Variants in MAGI2 observed in about 807,000 individuals in gnomAD.
MAGI2 encodes the protein membrane associated guanylate kinase, WW and PDZ domain containing 2.
In MAGI2, 35 loss-of-function variants were observed where a neutral mutation model predicts 133.3. That is an observed-to-expected ratio of 0.26 (90% CI 0.20 to 0.35). MAGI2 has a LOEUF of 0.35. Among genes scored for constraint, MAGI2 ranks in the 10% least tolerant of loss-of-function variants. The pLI, the probability that MAGI2 is intolerant of heterozygous loss-of-function variation, is 1.00. For synonymous variants in MAGI2, 729 were observed against 710.6 expected (o/e 1.03, Z -0.41); for missense variants, 1,636 against 1,863.4 (o/e 0.88, Z 2.25).
At chr7:78,280,494 T>TTATA (rs1188275292) in intron 9 of MAGI2, among the ~76,000 whole-genome samples, 1 of 152,102 alleles carries the variant, frequency 6.6e-6, no homozygotes, top group African/African-American at 2.4e-5. Context: ...ACTGCAGCTG[T>TTATA]TATAATAAGG....
intron 4 of MAGI2, among the ~76,000 whole-genome samples, chr7:78,514,661 T>C (rs1584463572): frequency 6.6e-6 from 1 of 151,970 alleles, no homozygotes; most frequent in Non-Finnish European, 1.5e-5. Flanking sequence ...GGTTTCAGAG[T>C]GGGGCATTAT....
At position 78,900,450 on chromosome 7, in the gene MAGI2, C is replaced by T. The variant is rs559728306; in HGVS notation, c.418+106640G>A. On this transcript the variant is annotated intron_variant, in intron 2 of 21. Transcript: ENST00000354212. ...TCACTCCACTCCAGCTTCTCTGACC[C>T]CTTTGCTATTCCTTGAACACATCAA... Among the ~76,000 whole-genome samples the T allele has an allele frequency of 3.3e-5, 5 of 152,206 alleles. No homozygotes were observed. In the South Asian group the frequency reaches 1.0e-3, roughly 32 times the overall value.
At chr7:79,158,916 G>A (rs1246267506) in intron 1 of MAGI2, among the ~76,000 whole-genome samples, 1 of 151,840 alleles carries the variant, frequency 6.6e-6, no homozygotes, top group African/African-American at 2.4e-5. Context: ...ATTTTTTAAT[G>A]TTCTTATTAA....
At chr7:79,283,290 T>C (rs529379079) in intron 1 of MAGI2, among the ~76,000 whole-genome samples, 16 of 152,248 alleles carry the variant, frequency 1.1e-4, no homozygotes, top group African/African-American at 3.8e-4. Flanking sequence ...ACATTGACAT[T>C]TTTTAAAAAA....
At chr7:78,629,170 G>A (rs1219111848) in intron 2 of MAGI2, among the ~76,000 whole-genome samples, 2 of 151,998 alleles carry the variant, frequency 1.3e-5, no homozygotes, top group African/African-American at 2.4e-5. Flanking sequence ...CAGTACTTTC[G>A]GTTCACTAAG....
chr7:78,934,740 A>T (rs1245419094), intron 2 of MAGI2, among the ~76,000 whole-genome samples: 1 of 152,134 alleles, frequency 6.6e-6, no homozygotes. Context: ...ACTATTCCAC[A>T]ATCTGAAAAA....
chr7:78,942,912 CATTT>C (rs1801104498), intron 2 of MAGI2, among the ~76,000 whole-genome samples: 2 of 148,642 alleles, frequency 1.3e-5, no homozygotes, highest in African/African-American at 4.9e-5. Flanking sequence ...AAAACAAAAA[CATTT>C]ATTGGATTCA....
Position 78,132,793 on chromosome 7 carries a change from GTCTC to G in MAGI2, c.3203+92_3203+95del, listed in dbSNP as rs559011071. 1,335 of 1,546,164 alleles carry G rather than the reference GTCTC, an allele frequency of 8.6e-4. 14 individuals are homozygous for G. Among genetic ancestry groups the G allele is most frequent in the South Asian group, 8.6e-3 (747 of 86,692 alleles). On this transcript the variant is annotated intron_variant, in intron 18 of 21. Coordinates refer to ENST00000354212, the MANE Select transcript of MAGI2 (RefSeq NM_012301.4). The stretch of plus-strand genomic sequence containing the variant: ...GCACGGCGATTTCTACTTTATAAAA[GTCTC>G]TCTCTCTGCCTGTCCTGTGCTGTCC...
intron 2 of MAGI2, among the ~76,000 whole-genome samples, chr7:78,847,991 ATC>A (rs1318952120): frequency 6.6e-6 from 1 of 151,922 alleles, no homozygotes; most frequent in African/African-American, 2.4e-5. Context: ...AGACTCCAGA[ATC>A]TCAAATTATC....
chr7:78,623,546 A>G (rs1464862887), intron 3 of MAGI2, among the ~76,000 whole-genome samples: 1 of 152,092 alleles, frequency 6.6e-6, no homozygotes, highest in Admixed American at 6.6e-5. Flanking sequence ...ATTTTTGACA[A>G]TATGAAGAAG....
intron 1 of MAGI2, among the ~76,000 whole-genome samples, chr7:79,336,462 A>G (rs187813512): frequency 3.2e-4 from 49 of 152,316 alleles, no homozygotes; most frequent in African/African-American, 1.2e-3. Context: ...CAATTTAAAT[A>G]ATGACCAATA....
intron 1 of MAGI2, among the ~76,000 whole-genome samples, chr7:79,028,265 ATATGTATGTATG>A (rs1329617871): frequency 2.2e-4 from 5 of 23,040 alleles, no homozygotes; most frequent in African/African-American, 6.5e-4. Flanking sequence ...ATATATATAT[ATATGTATGTATG>A]TATATATATA....
At chr7:78,061,822 C>G (rs772421149) in intron 21 of MAGI2, among the ~76,000 whole-genome samples, 2 of 152,204 alleles carry the variant, frequency 1.3e-5, no homozygotes, top group African/African-American at 4.8e-5. Context: ...AGCGAATACA[C>G]TGACCAACAG....
At chr7:78,487,979 T>C (rs1793216951) in intron 6 of MAGI2, among the ~76,000 whole-genome samples, 1 of 152,044 alleles carries the variant, frequency 6.6e-6, no homozygotes, top group Non-Finnish European at 1.5e-5. Flanking sequence ...CAATATTACC[T>C]AAAAGCACTT....
chr7:78,439,520 G>A (rs540288464), intron 6 of MAGI2, among the ~76,000 whole-genome samples: 19 of 152,220 alleles, frequency 1.2e-4, no homozygotes, highest in African/African-American at 4.1e-4. Context: ...GTAAGATGTG[G>A]GACCTTTGAG....
At chr7:78,663,353 C>T (rs749926329) in intron 2 of MAGI2, among the ~76,000 whole-genome samples, 15 of 151,914 alleles carry the variant, frequency 9.9e-5, no homozygotes, top group African/African-American at 2.9e-4. Context: ...ATTATAGGCA[C>T]GCGCTACCAC....
chr7:78,769,879 T>C (rs945460222), intron 2 of MAGI2, among the ~76,000 whole-genome samples: 1 of 152,096 alleles, frequency 6.6e-6, no homozygotes, highest in African/African-American at 2.4e-5. Context: ...CAGAACTAAA[T>C]GCTTCCCCCC....
At chr7:78,284,696 C>T (rs1562751774) in intron 9 of MAGI2, among the ~76,000 whole-genome samples, 1 of 152,034 alleles carries the variant, frequency 6.6e-6, no homozygotes, top group African/African-American at 2.4e-5. Flanking sequence ...TCTAATTTGA[C>T]TCCAGGTGTG....
chr7:78,457,875 T>C (rs932745386), intron 6 of MAGI2, among the ~76,000 whole-genome samples: 1 of 152,208 alleles, frequency 6.6e-6, no homozygotes, highest in Non-Finnish European at 1.5e-5. Flanking sequence ...ACATTATACT[T>C]AGAAAAATAA....
Sources: gnomAD v4.1 joint callset for allele counts (sites outside exome capture counted in the v4.1 genomes callset) on GRCh38, gnomAD v4.1.1 for gene constraint, MANE v1.5 for transcripts, NCBI Gene and HGNC (gene_info 2026-07-23, HGNC 2026-07-21) for gene names.